Variants in RP1 observed in about 807,000 individuals in gnomAD.
The protein encoded by RP1 is RP1 axonemal microtubule associated.
Under a neutral mutation model 14.8 loss-of-function variants are expected in RP1, and 16 were observed. The observed-to-expected ratio is 1.08, with a 90% CI of 0.73 to 1.65. RP1 has a LOEUF of 1.65. RP1 is among the 40% of genes most tolerant of loss of function. RP1 has a pLI of 0.00. For synonymous variants in RP1, 876 were observed against 883.6 expected, an observed-to-expected ratio of 0.99 and a Z score of 0.15; for missense variants, 2,631 against 2,535.0, an observed-to-expected ratio of 1.04 and a Z score of -0.81.
intron 1 of RP1, among the ~76,000 whole-genome samples, chr8:54,620,721 G>C (rs1161580796): frequency 1.3e-5 from 2 of 152,012 alleles, no homozygotes; most frequent in Non-Finnish European, 2.9e-5. Flanking sequence ...TTATTCGTGT[G>C]TTTAGGTTGT....
chr8:54,854,418 GA>G (rs1406048796), intron 26 of RP1, among the ~76,000 whole-genome samples: 25 of 152,218 alleles, frequency 1.6e-4, no homozygotes, highest in African/African-American at 5.5e-4. Context: ...TATTGTTATA[GA>G]AAAAAATCAC....
At chr8:54,660,108 C>T (rs1018448916) in intron 6 of RP1, among the ~76,000 whole-genome samples, 2 of 152,012 alleles carry the variant, frequency 1.3e-5, no homozygotes, top group African/African-American at 2.4e-5. Flanking sequence ...GAGTTTTCTA[C>T]ATATATAACC....
intron 18 of RP1, chr8:54,734,780 A>G: frequency 1.3e-6 from 2 of 1,486,356 alleles, no homozygotes; most frequent in Non-Finnish European, 1.8e-6. Context: ...TCCTGTGAAC[A>G]TTTCAAAGAC....
chr8:54,735,442 T>C (rs919958111), intron 18 of RP1, among the ~76,000 whole-genome samples: 39 of 152,172 alleles, frequency 2.6e-4, no homozygotes, highest in Non-Finnish European at 4.4e-5. Context: ...GGCTCTTTGG[T>C]GTACTGTTAA....
chr8:54,758,976 T>C, exon 22 of RP1: 1 of 1,535,990 alleles, frequency 6.5e-7, no homozygotes, highest in Non-Finnish European at 8.7e-7. Context: ...GAAGGTGCTG[T>C]TGCGCTGTGA....
In RP1 at chr8:54,628,087, G is replaced by A. The variant is rs774475397; in HGVS notation, c.4205G>A (p.Cys1402Tyr). Residue 1402 changes from cysteine to tyrosine, a missense_variant, in exon 4 of 4, where the codon TGC becomes TAC. By Grantham distance (194) the Cys-to-Tyr change is radical. Transcript: ENST00000220676. Reference sequence around the variant, plus strand: ...AGTAATTTAAGCTCCTGTGGCCTTTGCCTAAGTGAAAAAGAAGCAGAACTT... The same window carrying A: ...AGTAATTTAAGCTCCTGTGGCCTTTACCTAAGTGAAAAAGAAGCAGAACTT... ...NVSNLSSCGL[C>Y]LSEKEAELDK... The A allele has an allele frequency of 1.2e-6, 2 of 1,613,900 alleles. No homozygotes were observed. Among genetic ancestry groups the A allele is most frequent in the East Asian group, 2.2e-5 (1 of 44,870 alleles).
intron 1 of RP1, among the ~76,000 whole-genome samples, chr8:54,587,453 A>C (rs1034371618): frequency 2.5e-4 from 37 of 150,388 alleles, no homozygotes; most frequent in Non-Finnish European, 3.0e-5. Flanking sequence ...AGAGAGAGAG[A>C]GCATGTCCAT....
intron 27 of RP1, among the ~76,000 whole-genome samples, chr8:54,863,685 TA>T (rs1812399983): frequency 6.6e-6 from 1 of 152,224 alleles, no homozygotes; most frequent in South Asian, 2.1e-4. Context: ...GCATGGAATC[TA>T]TATGCACAAA....
chr8:54,577,530 A>C (rs1243530180), intron 1 of RP1, among the ~76,000 whole-genome samples: 1 of 151,788 alleles, frequency 6.6e-6, no homozygotes, highest in Non-Finnish European at 1.5e-5. Context: ...AATTTTGAGA[A>C]TAGTGTATTA....
chr8:54,774,762 A>T (rs531145777), downstream of RP1, among the ~76,000 whole-genome samples: 1 of 152,334 alleles, frequency 6.6e-6, no homozygotes, highest in South Asian at 2.1e-4. Context: ...AAACAGTAAT[A>T]AAATACACTC....
chr8:54,559,637 C>A (rs538706771), intron 1 of RP1, among the ~76,000 whole-genome samples: 1 of 152,112 alleles, frequency 6.6e-6, no homozygotes, highest in African/African-American at 2.4e-5. Context: ...GGCCTGTACA[C>A]GTGGGCCATG....
At chr8:54,725,293 T>C (rs1808627962) in intron 16 of RP1, among the ~76,000 whole-genome samples, 1 of 152,160 alleles carries the variant, frequency 6.6e-6, no homozygotes. Context: ...ATCTTCTTTT[T>C]AATGTTTTAA....
At chr8:54,623,802 T>A (rs1440790223) in intron 3 of RP1, among the ~76,000 whole-genome samples, 1 of 152,188 alleles carries the variant, frequency 6.6e-6, no homozygotes, top group Non-Finnish European at 1.5e-5. Flanking sequence ...TGTTTCTGCT[T>A]TCATAAAGCT....
intron 8 of RP1, among the ~76,000 whole-genome samples, chr8:54,674,835 A>G (rs1470921083): frequency 6.6e-6 from 1 of 152,224 alleles, no homozygotes; most frequent in Non-Finnish European, 1.5e-5. Context: ...AAATGTATCT[A>G]TATTTTGAAC....
chr8:54,584,828 C>G (rs1037963038), intron 1 of RP1, among the ~76,000 whole-genome samples: 1 of 152,118 alleles, frequency 6.6e-6, no homozygotes, highest in Non-Finnish European at 1.5e-5. Context: ...GCAACCCCTG[C>G]CTTTTTTGGT....
At chr8:54,854,107 G>T (rs2129409085) in intron 26 of RP1, among the ~76,000 whole-genome samples, 1 of 152,276 alleles carries the variant, frequency 6.6e-6, no homozygotes, top group African/African-American at 2.4e-5. Context: ...CAGTTTTAAT[G>T]TAATATCAAT....
At chr8:54,838,243 A>G (rs780733409) in intron 25 of RP1, among the ~76,000 whole-genome samples, 1 of 152,238 alleles carries the variant, frequency 6.6e-6, no homozygotes, top group Non-Finnish European at 1.5e-5. Flanking sequence ...TGAACTTTGT[A>G]GCACCTGAAT....
rs964291163 is a variant in RP1 at position 54,596,962 on chromosome 8, G to A, written c.-12-23993G>A. Among the ~76,000 whole-genome samples the A allele has an allele frequency of 6.6e-5, 10 of 152,144 alleles. 1 individual carries two copies. The highest frequency in any genetic ancestry group is 4.2e-4 in the South Asian group (2 of 4,808). ...TCACTATTTTTAGAGCTACCTTACCGGTTTCTGTCAGCACTGTGTCCTCCC... is the reference window on the plus strand; with the variant it reads ...TCACTATTTTTAGAGCTACCTTACCAGTTTCTGTCAGCACTGTGTCCTCCC... On this transcript the variant is annotated intron_variant, in intron 1 of 22. Transcript: ENST00000636932.
At chr8:54,674,527 GA>G (rs377598146) in intron 8 of RP1, among the ~76,000 whole-genome samples, 27 of 136,926 alleles carry the variant, frequency 2.0e-4, no homozygotes, top group African/African-American at 7.0e-4. Context: ...AAAAAAAAAG[GA>G]AAAAAAAACC....
Sources: gnomAD v4.1 joint callset for allele counts (sites outside exome capture counted in the v4.1 genomes callset) on GRCh38, gnomAD v4.1.1 for gene constraint, MANE v1.5 for transcripts, NCBI Gene and HGNC (gene_info 2026-07-23, HGNC 2026-07-21) for gene names.